Variants in IL1RAPL1 observed in about 807,000 individuals in gnomAD.
IL1RAPL1 encodes interleukin 1 receptor accessory protein like 1, also known as interleukin-1 receptor accessory protein-like 1.
IL1RAPL1 carries 3 observed loss-of-function variants against 48.4 expected under a neutral mutation model. That is an observed-to-expected ratio of 0.06 (90% CI 0.03 to 0.16). IL1RAPL1 has a LOEUF of 0.16. IL1RAPL1 is among the 10% of genes least tolerant of loss of function. IL1RAPL1 has a pLI of 1.00. For missense variants in IL1RAPL1, 349 were observed against 530.6 expected (o/e 0.66, Z 3.36); for synonymous variants, 185 against 187.7 (o/e 0.99, Z 0.12).
intron 5 of IL1RAPL1, among the ~76,000 whole-genome samples, chrX:29,569,102 T>G (rs1323578745): frequency 6.3e-5 from 7 of 111,559 alleles, no homozygotes; most frequent in Non-Finnish European, 1.3e-4. Context: ...GAAATATGCC[T>G]CATTTCTCTA....
chrX:29,516,831 T>TCAGTGTCTGGTGAGGATGTGCTTCCTCA (rs1935451064), intron 5 of IL1RAPL1, among the ~76,000 whole-genome samples: 1 of 111,167 alleles, frequency 9.0e-6, no homozygotes, highest in Non-Finnish European at 1.9e-5. Context: ...TATGCATATT[T>TCAGTGTCTGGTGAGGATGTGCTTCCTCA]TAAAGTATAT....
chrX:29,068,941 A>C (rs1927505826), intron 2 of IL1RAPL1, among the ~76,000 whole-genome samples: 1 of 112,014 alleles, frequency 8.9e-6, no homozygotes, highest in Admixed American at 9.5e-5. Flanking sequence ...GGTCAGAGTA[A>C]GTCAGAGCTG....
chrX:29,751,472 A>G (rs1462911401), intron 6 of IL1RAPL1, among the ~76,000 whole-genome samples: 1 of 112,010 alleles, frequency 8.9e-6, no homozygotes. Flanking sequence ...CCTTTTGGCT[A>G]AGATCAAGTA....
At chrX:29,504,276 T>C (rs781155621) in intron 5 of IL1RAPL1, among the ~76,000 whole-genome samples, 1 of 111,970 alleles carries the variant, frequency 8.9e-6, no homozygotes, top group East Asian at 2.8e-4. Flanking sequence ...GGCTACTGTT[T>C]CATGCACTGA....
At chrX:29,286,827 C>T (rs756569265) in intron 3 of IL1RAPL1, among the ~76,000 whole-genome samples, 11 of 111,582 alleles carry the variant, frequency 9.9e-5, no homozygotes, top group Admixed American at 1.9e-4. Context: ...CATTCCAGTG[C>T]CCCCCAAATG....
intron 5 of IL1RAPL1, among the ~76,000 whole-genome samples, chrX:29,521,653 T>C (rs1271098633): frequency 1.8e-5 from 2 of 111,950 alleles, no homozygotes; most frequent in Middle Eastern, 4.2e-3. Context: ...TAACTTGCTC[T>C]CTTTTGTATA....
At chrX:28,615,655 G>A (rs774683650) in intron 1 of IL1RAPL1, among the ~76,000 whole-genome samples, 3 of 111,166 alleles carry the variant, frequency 2.7e-5, no homozygotes, top group South Asian at 3.9e-4. Flanking sequence ...CAGACACTGC[G>A]TGTAGGGGTC....
chrX:29,265,235 A>C (rs1057355583), intron 2 of IL1RAPL1, among the ~76,000 whole-genome samples: 2 of 110,557 alleles, frequency 1.8e-5, no homozygotes, highest in African/African-American at 6.5e-5. Context: ...TTTTTAGATA[A>C]GGATCTACCT....
At chrX:28,678,243 C>T (rs993337065) in intron 1 of IL1RAPL1, among the ~76,000 whole-genome samples, 6 of 111,251 alleles carry the variant, frequency 5.4e-5, no homozygotes, top group South Asian at 3.8e-4. Context: ...ATCAAGTAAT[C>T]GCCCGTTGGA....
chrX:29,893,371 C>T (rs968158950), intron 6 of IL1RAPL1, among the ~76,000 whole-genome samples: 2 of 111,128 alleles, frequency 1.8e-5, no homozygotes, highest in African/African-American at 3.3e-5. Context: ...TTTAGAATAG[C>T]GATTGCAAAT....
intron 2 of IL1RAPL1, among the ~76,000 whole-genome samples, chrX:28,825,701 T>A (rs887182479): frequency 4.5e-5 from 5 of 111,270 alleles, no homozygotes; most frequent in Non-Finnish European, 7.6e-5. Flanking sequence ...ATTAAGTAAA[T>A]CTTCAGGTAT....
chrX:29,506,759 G>A (rs1935334977), intron 5 of IL1RAPL1, among the ~76,000 whole-genome samples: 1 of 109,047 alleles, frequency 9.2e-6, no homozygotes, highest in African/African-American at 3.4e-5. Context: ...CCAGGGCTGA[G>A]AATGGTAGTC....
chrX:29,140,919 A>G (rs1929230517), intron 2 of IL1RAPL1, among the ~76,000 whole-genome samples: 1 of 111,461 alleles, frequency 9.0e-6, no homozygotes, highest in African/African-American at 3.3e-5. Context: ...TTAGGTTTCA[A>G]CATATGAGTT....
At chrX:29,737,417 T>C (rs150194291) in intron 6 of IL1RAPL1, among the ~76,000 whole-genome samples, 16 of 112,005 alleles carry the variant, frequency 1.4e-4, no homozygotes, top group Non-Finnish European at 2.6e-4. Context: ...AACTCTAGTG[T>C]AGGTCATAGG....
At chrX:28,598,627 G>GTT (rs56397783) in intron 1 of IL1RAPL1, among the ~76,000 whole-genome samples, 3 of 87,149 alleles carry the variant, frequency 3.4e-5, no homozygotes, top group Admixed American at 1.3e-4. Flanking sequence ...AAATTTGTAG[G>GTT]TTTTTTTTTT....
intron 2 of IL1RAPL1, among the ~76,000 whole-genome samples, chrX:29,094,260 A>G (rs58496053): frequency 0.035 from 3,858 of 111,245 alleles, 170 homozygotes; most frequent in African/African-American, 0.12. Flanking sequence ...GCTATTTTAT[A>G]TATTTTTGTG....
At chrX:29,158,802 C>G (rs1602086942) in intron 2 of IL1RAPL1, among the ~76,000 whole-genome samples, 1 of 111,305 alleles carries the variant, frequency 9.0e-6, no homozygotes, top group Admixed American at 9.6e-5. Context: ...TTGTGTTTTT[C>G]TATTGCTCTT....
At chrX:29,311,729 A>C (rs1430974821) in intron 3 of IL1RAPL1, among the ~76,000 whole-genome samples, 1 of 112,288 alleles carries the variant, frequency 8.9e-6, no homozygotes, top group East Asian at 2.8e-4. Flanking sequence ...TTAAAGAACA[A>C]AATTTTGTCT....
chrX:29,710,158 C>G (rs1465771446), intron 6 of IL1RAPL1, among the ~76,000 whole-genome samples: 1 of 111,454 alleles, frequency 9.0e-6, no homozygotes, highest in African/African-American at 3.3e-5. Flanking sequence ...TTATTTATCT[C>G]TCTTGGCTAA....
Sources: gnomAD v4.1 joint callset for allele counts (sites outside exome capture counted in the v4.1 genomes callset) on GRCh38, gnomAD v4.1.1 for gene constraint, MANE v1.5 for transcripts, NCBI Gene and HGNC (gene_info 2026-07-23, HGNC 2026-07-21) for gene names.